The following FAM81A variants were observed in gnomAD, a reference collection of about 807,000 sequenced individuals.
The protein encoded by FAM81A is protein FAM81A.
In FAM81A, 19 loss-of-function variants were observed where a neutral mutation model predicts 46.7. The observed-to-expected ratio is 0.41, with a 90% CI of 0.28 to 0.60. The LOEUF is 0.60. Among genes scored for constraint, FAM81A ranks in the 20% least tolerant of loss-of-function variants. The pLI, the probability that FAM81A is intolerant of heterozygous loss-of-function variation, is 0.34. For synonymous variants in FAM81A, 183 were observed against 152.9 expected (o/e 1.20, Z -1.45); for missense variants, 377 against 453.5 (o/e 0.83, Z 1.53).
intron 2 of FAM81A, among the ~76,000 whole-genome samples, chr15:59,409,387 C>T (rs537268063): frequency 6.6e-6 from 1 of 152,254 alleles, no homozygotes; most frequent in African/African-American, 2.4e-5. Flanking sequence ...GAGAAAAATC[C>T]CTCTTCCATC....
intron 2 of FAM81A, among the ~76,000 whole-genome samples, chr15:59,421,747 CTATCT>C (rs2141552804): frequency 6.8e-6 from 1 of 148,148 alleles, no homozygotes. Context: ...ATCTATCTGT[CTATCT>C]ATCTATCTAT....
intron 2 of FAM81A, among the ~76,000 whole-genome samples, chr15:59,408,687 G>A (rs2081107268): frequency 6.6e-6 from 1 of 152,142 alleles, no homozygotes; most frequent in Non-Finnish European, 1.5e-5. Context: ...AAATGAGCTG[G>A]GCATGGTGGT....
chr15:59,422,089 A>G (rs1162161141), intron 2 of FAM81A, among the ~76,000 whole-genome samples: 2 of 152,174 alleles, frequency 1.3e-5, no homozygotes, highest in Admixed American at 1.3e-4. Flanking sequence ...TAAGCATTTT[A>G]AAGTATTTTT....
chr15:59,450,908 C>T (rs985373677), intron 1 of FAM81A, among the ~76,000 whole-genome samples: 2 of 152,224 alleles, frequency 1.3e-5, no homozygotes, highest in African/African-American at 4.8e-5. Context: ...ACGTGACTGT[C>T]AGTTGGCTGG....
At chr15:59,520,727 G>C (rs1234270078) in intron 8 of FAM81A, among the ~76,000 whole-genome samples, 2 of 152,104 alleles carry the variant, frequency 1.3e-5, no homozygotes, top group African/African-American at 2.4e-5. Flanking sequence ...ACCATACCCA[G>C]CTAATTTTTG....
At chr15:59,472,853 A>G (rs866766954) in intron 3 of FAM81A, among the ~76,000 whole-genome samples, 1 of 152,220 alleles carries the variant, frequency 6.6e-6, no homozygotes, top group Non-Finnish European at 1.5e-5. Context: ...AAAGTTTACA[A>G]AATTGCTGTA....
At chr15:59,478,564 A>G (rs1484305038) in intron 3 of FAM81A, among the ~76,000 whole-genome samples, 5 of 152,198 alleles carry the variant, frequency 3.3e-5, no homozygotes, top group Non-Finnish European at 7.4e-5. Flanking sequence ...TTACTGAAAA[A>G]GGGAATTTCA....
chr15:59,461,250 G>T (rs2081547580), intron 3 of FAM81A, among the ~76,000 whole-genome samples: 1 of 152,002 alleles, frequency 6.6e-6, no homozygotes, highest in Non-Finnish European at 1.5e-5. Context: ...CATATAAATG[G>T]AAACCTTACA....
intron 1 of FAM81A, among the ~76,000 whole-genome samples, chr15:59,455,005 GGCTCACCTTA>G (rs2081465378): frequency 2.0e-5 from 3 of 149,686 alleles, no homozygotes; most frequent in Non-Finnish European, 3.0e-5. Context: ...CAAACTCCTG[GGCTCACCTTA>G]GCCTCCCAGG....
At chr15:59,475,276 C>G (rs576772681) in intron 3 of FAM81A, among the ~76,000 whole-genome samples, 3 of 152,148 alleles carry the variant, frequency 2.0e-5, no homozygotes, top group Admixed American at 6.5e-5. Flanking sequence ...TCCCAAGTAG[C>G]TGGAATTTCA....
chr15:59,501,417 T>C (rs1314542244), intron 4 of FAM81A, among the ~76,000 whole-genome samples: 3 of 152,186 alleles, frequency 2.0e-5, no homozygotes, highest in African/African-American at 7.2e-5. Context: ...TGTCGTATAG[T>C]CTGATGGTAC....
chr15:59,490,006 A>G (rs1380738436), intron 3 of FAM81A, among the ~76,000 whole-genome samples: 2 of 152,228 alleles, frequency 1.3e-5, no homozygotes, highest in Non-Finnish European at 2.9e-5. Flanking sequence ...CCCAGTATAC[A>G]ATAGTTGTGT....
chr15:59,448,541 G>A (rs11071444), intron 1 of FAM81A, among the ~76,000 whole-genome samples: 2 of 151,918 alleles, frequency 1.3e-5, no homozygotes, highest in South Asian at 2.1e-4. Context: ...AGATAGATAG[G>A]TAGATAGATA....
rs554607367 is a variant in FAM81A at position 59,520,606 on chromosome 15, G to A, written c.983-648G>A. Among the ~76,000 whole-genome samples the A allele has an allele frequency of 2.8e-5, 4 of 142,856 alleles. No homozygotes were observed. In the East Asian group the frequency reaches 6.2e-4, roughly 22 times the overall value. 93.7% of individuals were successfully genotyped at this position (142,856 alleles called of 152,430 possible). On this transcript the variant is annotated intron_variant, in intron 8 of 8. Transcript: ENST00000288228. ...TTGAGACGAGTCTTGCTCTGTCGCC[G>A]AGGCTGGAGTGCAGTAGCACAATCT...
chr15:59,420,482 G>A (rs1409333747), intron 2 of FAM81A, among the ~76,000 whole-genome samples: 1 of 152,188 alleles, frequency 6.6e-6, no homozygotes, highest in Non-Finnish European at 1.5e-5. Context: ...GGACAGCTGA[G>A]TCTAACGGAA....
chr15:59,461,609 C>G (rs2081552402), intron 3 of FAM81A, among the ~76,000 whole-genome samples: 1 of 152,184 alleles, frequency 6.6e-6, no homozygotes, highest in African/African-American at 2.4e-5. Context: ...ATGTGAGCCA[C>G]TGTGCCCAGC....
chr15:59,494,719 GCTTT>G (rs1443666585), intron 4 of FAM81A, among the ~76,000 whole-genome samples: 2 of 152,110 alleles, frequency 1.3e-5, no homozygotes, highest in Non-Finnish European at 2.9e-5. Flanking sequence ...AAGTTTCTTG[GCTTT>G]CTTGTGTTGA....
intron 1 of FAM81A, among the ~76,000 whole-genome samples, chr15:59,398,706 C>G (rs1429194812): frequency 8.0e-6 from 1 of 125,564 alleles, no homozygotes; most frequent in Non-Finnish European, 1.6e-5. Flanking sequence ...TGCAGTGAGC[C>G]AGGATCACGT....
At chr15:59,418,810 C>T (rs778838135) in intron 2 of FAM81A, among the ~76,000 whole-genome samples, 10 of 152,144 alleles carry the variant, frequency 6.6e-5, no homozygotes, top group Admixed American at 1.3e-4. Flanking sequence ...GTTTCCTTTC[C>T]TGCAGAATGG....
Sources: gnomAD v4.1 joint callset for allele counts (sites outside exome capture counted in the v4.1 genomes callset) on GRCh38, gnomAD v4.1.1 for gene constraint, MANE v1.5 for transcripts, NCBI Gene and HGNC (gene_info 2026-07-23, HGNC 2026-07-21) for gene names.